PRIM1: variants seen among roughly 807,000 people sequenced by gnomAD.
The protein encoded by PRIM1 is DNA primase subunit 1.
A neutral mutation model predicts 60.2 loss-of-function variants in PRIM1; 38 were observed. That is an observed-to-expected ratio of 0.63 (90% confidence interval 0.49 to 0.83). The LOEUF (loss-of-function observed/expected upper bound fraction) is 0.83. Among genes scored for constraint, PRIM1 ranks in the 40% least tolerant of loss-of-function variants. The pLI, the probability that PRIM1 is intolerant of heterozygous loss-of-function variation, is 0.00. For synonymous variants in PRIM1, 158 were observed against 160.2 expected (o/e 0.99, Z 0.10); for missense variants, 388 against 506.2 (o/e 0.77, Z 2.24).
At chr12:56,741,179 C>G (rs1324497003) in intron 9 of PRIM1, among the ~76,000 whole-genome samples, 2 of 151,976 alleles carry the variant, frequency 1.3e-5, no homozygotes, top group South Asian at 2.1e-4. Flanking sequence ...CTCATCTGTA[C>G]AATGAGAGCT....
rs749931517 is a variant in PRIM1 at position 56,743,033 on chromosome 12, G to A, written c.702C>T (p.Leu234=). 1.4e-5 allele frequency: 21 copies of A among 1,543,986 alleles called. No homozygotes were observed. In the South Asian group the frequency reaches 1.9e-4, roughly 14 times the overall value. ...EEYALVNQDI[L]ENKESWDKIL... ...TCTTATCCCAGCTTTCTTTATTTTC[G>A]AGAATATCTTGATTAACCAAGGCAT... The change falls in exon 7 of 13, where the codon CTC becomes CTT. Residue 234 remains leucine (L), a synonymous_variant. Coordinates refer to ENST00000338193, the MANE Select transcript of PRIM1 (RefSeq NM_000946.3).
rs774680311 is a variant in PRIM1 at position 56,741,782 on chromosome 12, A to G, written c.804T>C (p.Arg268=). 22 of 1,613,888 alleles carry G rather than the reference A, an allele frequency of 1.4e-5. No individual in the cohort carries two copies. In the African/African-American group the frequency reaches 2.5e-4, roughly 19 times the overall value. Reference sequence around the variant, plus strand: ...TGGCTACTTTCTTCAAGTGCTCCCAACGCTGAAGTGAATTGTGAGACTTTT... The same window carrying G: ...TGGCTACTTTCTTCAAGTGCTCCCAGCGCTGAAGTGAATTGTGAGACTTTT... ...SFQKSHNSLQ[R]WEHLKKVASR... is the part of the protein sequence containing the mutation. The change falls in exon 8 of 13, where the codon CGT becomes CGC. Residue 268 remains arginine, a synonymous_variant. Coordinates refer to ENST00000338193, the MANE Select transcript of PRIM1 (RefSeq NM_000946.3).
rs1423520179 is a variant in PRIM1 at position 56,738,471 on chromosome 12, C to T, written c.1107G>A (p.Glu369=). 1.3e-6 allele frequency: 2 copies of T among 1,588,338 alleles called. No individual in the cohort carries two copies. Among genetic ancestry groups the T allele is most frequent in the Non-Finnish European group, 1.7e-6 (2 of 1,165,872 alleles). ...AISTNEEEKE[E]NEAESDVKHR... ...GTTTGACATCAGATTCAGCTTCATT[C>T]TCCTCTTTTTCCTCTTCATTAGTGG... Residue 369 remains glutamate (E), a synonymous_variant, in exon 11 of 13, where the codon GAG becomes GAA. Transcript: ENST00000338193.
intron 9 of PRIM1, among the ~76,000 whole-genome samples, chr12:56,740,005 C>T (rs991218898): frequency 3.3e-5 from 5 of 151,870 alleles, no homozygotes; most frequent in African/African-American, 4.8e-5. Context: ...GGTGTGGTGG[C>T]GGGTACCTGT....
At chr12:56,735,554 T>A (rs1296762577) in intron 11 of PRIM1, among the ~76,000 whole-genome samples, 1 of 152,084 alleles carries the variant, frequency 6.6e-6, no homozygotes, top group African/African-American at 2.4e-5. Context: ...CCACCACAGC[T>A]GGCTAATTTT....
At chr12:56,750,818 T>C (rs1254863533) in intron 2 of PRIM1, among the ~76,000 whole-genome samples, 1 of 152,138 alleles carries the variant, frequency 6.6e-6, no homozygotes, top group Non-Finnish European at 1.5e-5. Context: ...CTCAATTTTT[T>C]TTGTCCTAGT....
rs767721780 is a variant in PRIM1, at chr12:56,747,051, G to C, written c.262-19C>G. The C allele has an allele frequency of 1.9e-6, 3 of 1,577,238 alleles. No individual in the cohort carries two copies. The highest frequency in any genetic ancestry group is 1.7e-4 in the Middle Eastern group (1 of 6,002). ...GATTGGGCTACAGATACAAAATATT[G>C]ATCAGTTTCTATAAGAGCTGCCACA... On this transcript the variant is annotated intron_variant, in intron 2 of 12. Transcript: ENST00000338193.
chr12:56,738,463 G>A lies in PRIM1; in HGVS notation c.1115C>T (p.Ala372Val), dbSNP rs960690328. ...TNEEEKEENEAESDVKHRTRD... is the reference protein window; with the variant it reads ...TNEEEKEENEVESDVKHRTRD... ...GGTTCTATGTTTGACATCAGATTCA[G>A]CTTCATTCTCCTCTTTTTCCTCTTC... The change falls in exon 11 of 13, where the codon GCT (alanine) becomes GTT (valine). Residue 372 changes from alanine (A) to valine (V), a missense_variant. By Grantham distance (64) the Ala-to-Val change is moderately conservative. This residue lies in a region of PRIM1 where 211 missense variants were observed against 277.9 expected (regional missense o/e 0.76). Transcript: ENST00000338193. 3.8e-6 allele frequency: 6 copies of A among 1,586,386 alleles called. No individual in the cohort carries two copies. The Admixed American group carries it at 9.0e-5, about 24-fold the overall frequency.
In PRIM1 at chr12:56,731,614, GAC is replaced by G; in HGVS notation, c.*99_*100del. The G allele has an allele frequency of 8.9e-7, 1 of 1,122,594 alleles. No individual in the cohort carries two copies. Among genetic ancestry groups the G allele is most frequent in the Non-Finnish European group, 1.3e-6 (1 of 794,054 alleles). The allele number at this position is 1,122,594 out of a possible 1,614,324, so 69.5% of individuals were successfully genotyped here. ...AAGGAAAATTTACTTTGAGGTTTAAGACACATATATAGTTCTGCCATATTTAT... is the reference window on the plus strand; with the variant it reads ...AAGGAAAATTTACTTTGAGGTTTAAGACATATATAGTTCTGCCATATTTAT... On this transcript the variant is annotated 3_prime_UTR_variant, in exon 13 of 13. Coordinates refer to ENST00000338193, the MANE Select transcript of PRIM1 (RefSeq NM_000946.3).
rs534521616 is a variant in PRIM1, at chr12:56,746,240, A to G, written c.443-59T>C. The G allele has an allele frequency of 1.7e-5, 26 of 1,530,182 alleles. No homozygotes were observed. The South Asian group carries it at 2.4e-4, about 14-fold the overall frequency. 94.8% of individuals were successfully genotyped at this position (1,530,182 alleles called of 1,614,324 possible). On this transcript the variant is annotated intron_variant, in intron 4 of 12. Coordinates refer to ENST00000338193, the MANE Select transcript of PRIM1 (RefSeq NM_000946.3). ...AATCTATAAACTCCTTAATTAATGT[A>G]TATTAAATTACTTGTTGTTTCCTGT...
intron 11 of PRIM1, among the ~76,000 whole-genome samples, chr12:56,736,295 C>A (rs1592331706): frequency 2.9e-5 from 1 of 34,380 alleles, no homozygotes; most frequent in Non-Finnish European, 4.0e-5. Context: ...AAGACTCTTT[C>A]TCTAAAAAAA....
chr12:56,736,298 T>TAG (rs1555228526), intron 11 of PRIM1, among the ~76,000 whole-genome samples: 36 of 24,320 alleles, frequency 1.5e-3, no homozygotes, highest in Admixed American at 3.2e-3. Flanking sequence ...ACTCTTTCTC[T>TAG]AAAAAAAAAA....
chr12:56,739,225 C>T, intron 10 of PRIM1, 69 bp downstream of exon 10: 1 of 1,213,402 alleles, frequency 8.2e-7, no homozygotes, highest in South Asian at 1.8e-5. Flanking sequence ...TCTAAGGAGG[C>T]TAATTCAATT....
chr12:56,731,808 T>A, intron 12 of PRIM1, 74 bp from the exon 13 acceptor site: 1 of 1,227,182 alleles, frequency 8.1e-7, no homozygotes, highest in Non-Finnish European at 1.1e-6. Flanking sequence ...TTACATTCTT[T>A]TTTGCCTAAT....
rs2958129 is a variant in PRIM1 at position 56,746,677 on chromosome 12, A to T, written c.442+104T>A. 552 of 284,898 alleles carry T rather than the reference A, an allele frequency of 1.9e-3. 21 individuals carry two copies. The highest frequency in any genetic ancestry group is 8.2e-3 in the Admixed American group (102 of 12,414). 17.6% of individuals were successfully genotyped at this position (284,898 alleles called of 1,614,324 possible). A position where few individuals can be genotyped will look rare whatever the true frequency, so the allele number is the denominator to read the frequency against. On this transcript the variant is annotated intron_variant, in intron 4 of 12. Transcript: ENST00000338193. The stretch of plus-strand genomic sequence containing the variant: ...ACACACACACACACACACACACACA[A>T]ATTAATGAGATTTGATCACAAAATA...
intron 5 of PRIM1, among the ~76,000 whole-genome samples, chr12:56,745,245 C>T (rs1953898132): frequency 6.6e-6 from 1 of 151,820 alleles, no homozygotes; most frequent in African/African-American, 2.4e-5. Flanking sequence ...GACCTTGTTT[C>T]TGCAAAAATT....
chr12:56,742,560 A>G (rs1256399827), intron 7 of PRIM1, among the ~76,000 whole-genome samples: 2 of 152,108 alleles, frequency 1.3e-5, no homozygotes, highest in Admixed American at 1.3e-4. Context: ...AACACAGTAT[A>G]AGACTCCGTC....
At chr12:56,746,617 T>G (rs1408513835) in intron 4 of PRIM1, among the ~76,000 whole-genome samples, 164 bp downstream of exon 4, 1 of 121,968 alleles carries the variant, frequency 8.2e-6, no homozygotes, top group South Asian at 2.7e-4. Flanking sequence ...GCTGACAGAG[T>G]GAGACTCGTC....
At chr12:56,746,626 T>TCACACACACACACACA in intron 4 of PRIM1, 155 bp downstream of exon 4, 1 of 640,054 alleles carries the variant, frequency 1.6e-6, no homozygotes, top group East Asian at 3.2e-5. Context: ...GTGAGACTCG[T>TCACACACACACACACA]CACACACACA....
Sources: gnomAD v4.1 joint callset for allele counts (sites outside exome capture counted in the v4.1 genomes callset) on GRCh38, gnomAD v4.1.1 for gene constraint, gnomAD v4.1.1 regional missense constraint, MANE v1.5 for transcripts, NCBI Gene and HGNC (gene_info 2026-07-23, HGNC 2026-07-21) for gene names.